CDH17: variants seen among roughly 807,000 people sequenced by gnomAD.
CDH17 encodes the protein cadherin-17.
Under a neutral mutation model 86.3 loss-of-function variants are expected in CDH17, and 67 were observed. That is an observed-to-expected ratio of 0.78 (90% confidence interval 0.64 to 0.95). The LOEUF is 0.95. CDH17 is among the 40% of genes least tolerant of loss of function. CDH17 has a pLI of 0.00. For synonymous variants in CDH17, 367 were observed against 366.4 expected, an observed-to-expected ratio of 1.00 and a Z score of -0.02; for missense variants, 993 against 1,017.6, an observed-to-expected ratio of 0.98 and a Z score of 0.33.
chr8:94,166,005 C>T (rs1813146872), intron 9 of CDH17, 29 bp from the exon 10 acceptor site: 1 of 1,315,196 alleles, frequency 7.6e-7, no homozygotes, highest in African/African-American at 1.5e-5. Context: ...GGAAAACCCA[C>T]CATTACAGGC....
chr8:94,193,495 T>C (rs1481718430), intron 2 of CDH17, among the ~76,000 whole-genome samples: 1 of 152,194 alleles, frequency 6.6e-6, no homozygotes, highest in South Asian at 2.1e-4. Flanking sequence ...ACAAGTACTA[T>C]TATTAGATCC....
At chr8:94,152,778 T>G (rs1812880545) in intron 12 of CDH17, among the ~76,000 whole-genome samples, 1 of 152,228 alleles carries the variant, frequency 6.6e-6, no homozygotes, top group Non-Finnish European at 1.5e-5. Flanking sequence ...GAGGACTTTG[T>G]GCTGTGTTAT....
chr8:94,157,428 G>A (rs185735273), intron 12 of CDH17, among the ~76,000 whole-genome samples: 108 of 152,218 alleles, frequency 7.1e-4, no homozygotes, highest in African/African-American at 2.6e-3. Flanking sequence ...CATTTGGTGT[G>A]TCCTAATCAA....
intron 9 of CDH17, among the ~76,000 whole-genome samples, chr8:94,166,783 T>C (rs1292139110): frequency 6.6e-6 from 1 of 152,078 alleles, no homozygotes; most frequent in African/African-American, 2.4e-5. Flanking sequence ...GGAAATGATC[T>C]GGAGGAGGAA....
At chr8:94,194,608 A>G (rs1813745026) in intron 2 of CDH17, 27 bp downstream of exon 2, 3 of 1,491,128 alleles carry the variant, frequency 2.0e-6, no homozygotes, top group East Asian at 2.3e-5. Context: ...TAGTAAACAA[A>G]TAGAGAAGAA....
At position 94,127,867 on chromosome 8, in the gene CDH17, G is replaced by A. The variant is rs534499964; in HGVS notation, c.*373C>T. ...TGCCTGTATTGGGAGACCAAGGCAG[G>A]CAGATCACTTGACGTCAGGAGTTCA... On this transcript the variant is annotated 3_prime_UTR_variant, in exon 18 of 18. Coordinates refer to ENST00000027335, the MANE Select transcript of CDH17 (RefSeq NM_004063.4). 39 of 203,566 alleles carry A rather than the reference G, an allele frequency of 1.9e-4. No individual in the cohort carries two copies. The highest frequency in any genetic ancestry group is 8.8e-4 in the African/African-American group (37 of 42,284). 12.6% of individuals were successfully genotyped at this position (203,566 alleles called of 1,614,324 possible). A position where few individuals can be genotyped will look rare whatever the true frequency, so the allele number is the denominator to read the frequency against.
At chr8:94,181,932 G>C (rs1813493815) in intron 3 of CDH17, among the ~76,000 whole-genome samples, 1 of 151,958 alleles carries the variant, frequency 6.6e-6, no homozygotes, top group Non-Finnish European at 1.5e-5. Context: ...CAAATAACTA[G>C]AATCAGGAAT....
At position 94,130,688 on chromosome 8, in the gene CDH17, T is replaced by A; in HGVS notation, c.2336A>T (p.Gln779Leu). 1 of 1,614,078 alleles carries A rather than the reference T, an allele frequency of 6.2e-7. No individual in the cohort carries two copies. The highest frequency in any genetic ancestry group is 8.5e-7 in the Non-Finnish European group (1 of 1,179,980). ...EGSCFRPAGH[Q>L]TGIPTVGMAV... The stretch of plus-strand genomic sequence containing the variant: ...CATGCCCACAGTGGGTATCCCAGTC[T>A]GGTGACCTGCTGGCCGGAAACAACT... The change falls in exon 17 of 18, where the codon CAG becomes CTG. Residue 779 changes from glutamine (Q) to leucine (L), a missense_variant. By Grantham distance (113) the Gln-to-Leu change is moderately radical. Transcript: ENST00000027335.
chr8:94,197,937 A>G (rs567530196), intron 1 of CDH17, among the ~76,000 whole-genome samples: 14 of 152,136 alleles, frequency 9.2e-5, no homozygotes, highest in African/African-American at 3.4e-4. Context: ...GAGAAAATTG[A>G]GGTTAAAAGT....
At chr8:94,179,046 T>TA (rs3033905) in intron 3 of CDH17, among the ~76,000 whole-genome samples, 24,053 of 138,982 alleles carry the variant, frequency 0.17, 3,811 homozygotes, top group African/African-American at 0.43. Flanking sequence ...GAATGTTTAT[T>TA]AAAAAAAAAA....
intron 15 of CDH17, among the ~76,000 whole-genome samples, chr8:94,143,806 C>T (rs1184764427): frequency 6.6e-6 from 1 of 152,188 alleles, no homozygotes; most frequent in East Asian, 1.9e-4. Flanking sequence ...AGAGTTAAGG[C>T]CTTGTTCTAG....
chr8:94,188,820 T>A (rs982368522), intron 3 of CDH17, among the ~76,000 whole-genome samples: 17 of 152,282 alleles, frequency 1.1e-4, no homozygotes, highest in African/African-American at 4.1e-4. Context: ...AGCCGTATCT[T>A]CCAGTACTTG....
At chr8:94,182,632 C>T (rs771214021) in intron 3 of CDH17, among the ~76,000 whole-genome samples, 5 of 151,974 alleles carry the variant, frequency 3.3e-5, no homozygotes, top group Non-Finnish European at 5.9e-5. Flanking sequence ...ATAAGGACAC[C>T]GAAGTAAGCC....
At chr8:94,204,768 C>G (rs1397432861) in intron 1 of CDH17, among the ~76,000 whole-genome samples, 1 of 152,100 alleles carries the variant, frequency 6.6e-6, no homozygotes, top group Admixed American at 6.5e-5. Flanking sequence ...GTTTGTTCCC[C>G]CAGTGCTCCC....
At chr8:94,193,714 G>C (rs1275157149) in intron 2 of CDH17, among the ~76,000 whole-genome samples, 2 of 152,132 alleles carry the variant, frequency 1.3e-5, no homozygotes, top group Non-Finnish European at 2.9e-5. Flanking sequence ...CTGGAGACAG[G>C]CTTTGAGCCT....
At position 94,130,944 on chromosome 8, in the gene CDH17, T is replaced by A. The variant is rs1051624; in HGVS notation, c.2216A>T (p.Glu739Val). 30 of 1,609,072 alleles carry A rather than the reference T, an allele frequency of 1.9e-5. No homozygotes were observed. In the African/African-American group the frequency reaches 2.1e-4, roughly 11 times the overall value. The change falls in exon 16 of 18, where the codon GAG becomes GTG. Residue 739 changes from glutamate (E) to valine (V), a missense_variant. Coordinates refer to ENST00000027335, the MANE Select transcript of CDH17 (RefSeq NM_004063.4). ...ATTGATGCGGATCAAGACGACATACTCCCTCTCCTCAAACTCTGTGTGCCT... is the reference window on the plus strand; with the variant it reads ...ATTGATGCGGATCAAGACGACATACACCCTCTCCTCAAACTCTGTGTGCCT... ...STRHTEFEER[E>V]YVVLIRINDG...
chr8:94,200,537 GTTTTTT>G (rs10600702), intron 1 of CDH17, among the ~76,000 whole-genome samples: 4 of 56,942 alleles, frequency 7.0e-5, no homozygotes, highest in East Asian at 6.1e-4. Flanking sequence ...ATTATCTTTT[GTTTTTT>G]TTTTTTTTTT....
chr8:94,130,727 C>T lies in CDH17; in HGVS notation c.2297G>A (p.Ser766Asn). 6.2e-7 allele frequency: 1 copy of T among 1,613,502 alleles called. No homozygotes were observed. Among genetic ancestry groups the T allele is most frequent in the Non-Finnish European group, 8.5e-7 (1 of 1,179,464 alleles). ...GIVSLPVTFCSCVEGSCFRPA... is the reference protein window; with the variant it reads ...GIVSLPVTFCNCVEGSCFRPA... ...CCGGAAACAACTTCCTTCCACACAACTGCAGAATGTAACTGAAAAGCAGGA... is the reference window on the plus strand; with the variant it reads ...CCGGAAACAACTTCCTTCCACACAATTGCAGAATGTAACTGAAAAGCAGGA... Residue 766 changes from serine to asparagine, a missense_variant, in exon 17 of 18, where the codon AGT becomes AAT. Transcript: ENST00000027335.
chr8:94,164,595 C>T (rs1813118710), intron 10 of CDH17, among the ~76,000 whole-genome samples: 1 of 152,136 alleles, frequency 6.6e-6, no homozygotes, highest in Non-Finnish European at 1.5e-5. Flanking sequence ...CATTAGGGCC[C>T]TACTAAACCT....
Sources: gnomAD v4.1 joint callset for allele counts (sites outside exome capture counted in the v4.1 genomes callset) on GRCh38, gnomAD v4.1.1 for gene constraint, MANE v1.5 for transcripts, NCBI Gene and HGNC (gene_info 2026-07-23, HGNC 2026-07-21) for gene names.